Variants in TENM1 observed in about 807,000 individuals in gnomAD.
The protein encoded by TENM1 is teneurin-1.
In TENM1, 35 loss-of-function variants were observed where a neutral mutation model predicts 174.8. The observed-to-expected ratio is 0.20, with a 90% CI of 0.15 to 0.27. TENM1 has a LOEUF of 0.27. Ranked by LOEUF, TENM1 falls within the 10% of genes least tolerant of loss-of-function variation. The pLI, the probability that TENM1 is intolerant of heterozygous loss-of-function variation, is 1.00. For synonymous variants in TENM1, 781 were observed against 798.7 expected, an observed-to-expected ratio of 0.98 and a Z score of 0.37; for missense variants, 1,633 against 2,130.1, an observed-to-expected ratio of 0.77 and a Z score of 4.59.
intron 22 of TENM1, among the ~76,000 whole-genome samples, chrX:124,477,791 C>T (rs1454508977): frequency 2.8e-5 from 3 of 107,907 alleles, no homozygotes; most frequent in Admixed American, 2.0e-4. Flanking sequence ...ATGGGTTTTT[C>T]GGAGTCAGGC....
At chrX:125,175,060 G>A in the TENM1 span, among the ~76,000 whole-genome samples, 4 of 111,531 alleles carry the variant, frequency 3.6e-5, no homozygotes, top group South Asian at 7.5e-4. Flanking sequence ...ACAAGTCAAT[G>A]AGCAACACAC....
the TENM1 span, among the ~76,000 whole-genome samples, chrX:125,163,421 T>C: frequency 9.0e-6 from 1 of 111,000 alleles, no homozygotes; most frequent in Non-Finnish European, 1.9e-5. Context: ...TGTATTTAGG[T>C]TGGCTATTAG....
chrX:124,495,647 G>A (rs1233681872), intron 20 of TENM1, among the ~76,000 whole-genome samples: 2 of 109,635 alleles, frequency 1.8e-5, no homozygotes, highest in Non-Finnish European at 3.8e-5. Flanking sequence ...ATGGTGCTAG[G>A]AATCCAACTT....
intron 5 of TENM1, among the ~76,000 whole-genome samples, chrX:124,701,112 C>T (rs73545943): frequency 0.022 from 2,476 of 111,246 alleles, 32 homozygotes; most frequent in African/African-American, 0.04. Flanking sequence ...TATGTCATGA[C>T]AAGATTTATG....
the TENM1 span, among the ~76,000 whole-genome samples, chrX:124,992,827 T>C: frequency 9.0e-6 from 1 of 111,698 alleles, no homozygotes; most frequent in Non-Finnish European, 1.9e-5. Context: ...AACTGGAGAG[T>C]GTGCTCTGTA....
intron 3 of TENM1, among the ~76,000 whole-genome samples, chrX:124,877,392 T>C (rs1012084139): frequency 3.6e-5 from 4 of 112,185 alleles, no homozygotes; most frequent in African/African-American, 6.5e-5. Context: ...TCATTTTCCA[T>C]TGGTTCCTAA....
At chrX:124,495,774 C>T (rs1244268206) in intron 20 of TENM1, among the ~76,000 whole-genome samples, 4 of 101,301 alleles carry the variant, frequency 3.9e-5, no homozygotes, top group Non-Finnish European at 5.9e-5. Context: ...GAATCAATAT[C>T]GTGAAAATGG....
chrX:124,462,433 G>T lies in TENM1; in HGVS notation c.3950-8942C>A, dbSNP rs1016719809. 2.2e-3 allele frequency among the ~76,000 whole-genome samples: 214 copies of T among 96,896 alleles called. 1 individual carries two copies. Among genetic ancestry groups the T allele is most frequent in the African/African-American group, 6.3e-3 (152 of 24,026 alleles). 84.1% of individuals were successfully genotyped at this position (96,896 alleles called of 115,157 possible). A position where few individuals can be genotyped will look rare whatever the true frequency, so the allele number is the denominator to read the frequency against. Reference sequence around the variant, plus strand: ...TATTGAGATACTGTGTGTGTGTGTGGGGGGGGTGGGGGTGGGGGGGAGGGT... The same window carrying T: ...TATTGAGATACTGTGTGTGTGTGTGTGGGGGGTGGGGGTGGGGGGGAGGGT... On this transcript the variant is annotated intron_variant, in intron 22 of 31. Coordinates refer to ENST00000422452, the Ensembl canonical transcript of TENM1.
the TENM1 span, among the ~76,000 whole-genome samples, chrX:125,184,371 C>T: frequency 1.2e-4 from 13 of 111,537 alleles, no homozygotes; most frequent in African/African-American, 3.6e-4. Context: ...TGCAAAATCT[C>T]GACTTACTTT....
intron 5 of TENM1, among the ~76,000 whole-genome samples, chrX:124,675,319 C>A (rs1189412541): frequency 9.0e-6 from 1 of 111,149 alleles, no homozygotes; most frequent in Non-Finnish European, 1.9e-5. Flanking sequence ...CAGATATAAA[C>A]AACTAATACA....
At chrX:124,667,732 T>C (rs1602955729) in intron 6 of TENM1, among the ~76,000 whole-genome samples, 1 of 111,478 alleles carries the variant, frequency 9.0e-6, no homozygotes, top group East Asian at 2.8e-4. Context: ...GGTTGTGACT[T>C]ATATCTGCTT....
intron 14 of TENM1, among the ~76,000 whole-genome samples, chrX:124,548,645 C>T (rs1194404727): frequency 1.8e-5 from 2 of 111,743 alleles, no homozygotes; most frequent in Non-Finnish European, 3.8e-5. Context: ...CACTAATCTT[C>T]TTGGCTTGCC....
intron 3 of TENM1, among the ~76,000 whole-genome samples, chrX:124,884,556 C>T (rs1340245275): frequency 9.0e-6 from 1 of 111,301 alleles, no homozygotes; most frequent in African/African-American, 3.3e-5. Context: ...ATCCTTTCAT[C>T]ATATTGGGGA....
At chrX:124,697,031 G>T (rs1261365800) in intron 5 of TENM1, among the ~76,000 whole-genome samples, 1 of 111,219 alleles carries the variant, frequency 9.0e-6, no homozygotes, top group Non-Finnish European at 1.9e-5. Context: ...GATCAGGAAA[G>T]CTCCTTTAAT....
chrX:124,932,429 AG>A (rs1171108434), intron 1 of TENM1, among the ~76,000 whole-genome samples: 1 of 112,517 alleles, frequency 8.9e-6, no homozygotes, highest in Non-Finnish European at 1.9e-5. Context: ...TACAATTAAA[AG>A]TATTTGCAAT....
rs1161630450 is a variant in TENM1 at position 124,515,763 on chromosome X, T to C, written c.3301+4754A>G. ...AGCATCAATATCGTAAAAATGGCCA[T>C]ACCACCGAAAGCAATTTACAGATTC... On this transcript the variant is annotated intron_variant, in intron 18 of 31. Transcript: ENST00000422452. 2.8e-5 allele frequency among the ~76,000 whole-genome samples: 3 copies of C among 107,425 alleles called. No homozygotes were observed. In the East Asian group the frequency reaches 9.0e-4, roughly 32 times the overall value. The allele number at this position is 107,425 out of a possible 115,157, so 93.3% of individuals were successfully genotyped here. A position where few individuals can be genotyped will look rare whatever the true frequency, so the allele number is the denominator to read the frequency against.
the TENM1 span, among the ~76,000 whole-genome samples, chrX:125,092,870 TATAAGG>T: frequency 2.7e-5 from 3 of 112,217 alleles, no homozygotes; most frequent in Non-Finnish European, 5.6e-5. Flanking sequence ...TAGTAATAAT[TATAAGG>T]ATATTATTGG....
the TENM1 span, among the ~76,000 whole-genome samples, chrX:125,137,490 G>C: frequency 9.1e-6 from 1 of 109,780 alleles, no homozygotes; most frequent in African/African-American, 3.3e-5. Context: ...TTTGCCTCCA[G>C]GTGGTCTCTG....
chrX:124,938,533 A>C (rs2058278888), intron 1 of TENM1, among the ~76,000 whole-genome samples: 1 of 112,482 alleles, frequency 8.9e-6, no homozygotes, highest in African/African-American at 3.2e-5. Flanking sequence ...ATTTGCCTCT[A>C]GCAAATCCAT....
Sources: gnomAD v4.1 joint callset for allele counts (sites outside exome capture counted in the v4.1 genomes callset) on GRCh38, gnomAD v4.1.1 for gene constraint, MANE v1.5 for transcripts, NCBI Gene and HGNC (gene_info 2026-07-23, HGNC 2026-07-21) for gene names.